TIAM1: variants seen among roughly 807,000 people sequenced by gnomAD.
TIAM1 encodes TIAM Rac1 associated GEF 1, also known as rho guanine nucleotide exchange factor TIAM1.
Under a neutral mutation model 163.5 loss-of-function variants are expected in TIAM1, and 65 were observed. That is an observed-to-expected ratio of 0.40 (90% CI 0.33 to 0.49). The LOEUF is 0.49. TIAM1 is among the 20% of genes least tolerant of loss of function. The probability of loss-of-function intolerance (pLI) is 0.77; values close to 1 mark genes in which losing one functional copy is unlikely to be tolerated. For missense variants in TIAM1, 1,789 were observed against 2,044.7 expected, an observed-to-expected ratio of 0.87 and a Z score of 2.41; for synonymous variants, 833 against 810.1, an observed-to-expected ratio of 1.03 and a Z score of -0.48.
At chr21:31,508,944 C>G (rs1410269525) in intron 1 of TIAM1, among the ~76,000 whole-genome samples, 1 of 152,122 alleles carries the variant, frequency 6.6e-6, no homozygotes, top group East Asian at 1.9e-4. Flanking sequence ...GGCTGTGCTA[C>G]GAACTCACCT....
At chr21:31,425,059 A>AC (rs2043735774) in intron 2 of TIAM1, among the ~76,000 whole-genome samples, 1 of 151,304 alleles carries the variant, frequency 6.6e-6, no homozygotes, top group African/African-American at 2.4e-5. Context: ...TCTCAAACAA[A>AC]AAAAAAAAAA....
At chr21:31,359,157 G>A (rs1861586588) in intron 2 of TIAM1, among the ~76,000 whole-genome samples, 1 of 152,078 alleles carries the variant, frequency 6.6e-6, no homozygotes, top group Admixed American at 6.6e-5. Flanking sequence ...CCCAAAGCAG[G>A]TCTACTTTGC....
intron 2 of TIAM1, among the ~76,000 whole-genome samples, chr21:31,375,973 G>A (rs763978853): frequency 1.3e-5 from 2 of 152,088 alleles, no homozygotes; most frequent in Non-Finnish European, 2.9e-5. Flanking sequence ...GTTGCAGTGA[G>A]CTGAGATTGT....
intron 6 of TIAM1, among the ~76,000 whole-genome samples, chr21:31,231,869 T>A (rs2146664435): frequency 6.6e-6 from 1 of 152,080 alleles, no homozygotes; most frequent in South Asian, 2.1e-4. Flanking sequence ...AAAAATTAGC[T>A]GGGCATGGTG....
intron 1 of TIAM1, among the ~76,000 whole-genome samples, chr21:31,518,750 G>A (rs960927576): frequency 1.3e-5 from 2 of 152,176 alleles, no homozygotes; most frequent in African/African-American, 2.4e-5. Context: ...CTCACATCAT[G>A]GAGATAGGAC....
intron 1 of TIAM1, among the ~76,000 whole-genome samples, chr21:31,528,642 A>C (rs1183064614): frequency 6.6e-6 from 1 of 151,626 alleles, no homozygotes; most frequent in East Asian, 2.0e-4. Flanking sequence ...GTCTCTACTA[A>C]AAAAATAAAA....
intron 4 of TIAM1, among the ~76,000 whole-genome samples, chr21:31,256,638 C>CT (rs2072125810): frequency 1.2e-5 from 1 of 85,610 alleles, no homozygotes; most frequent in African/African-American, 4.5e-5. Flanking sequence ...CGTATATTAT[C>CT]TTTGGCTCTC....
rs1044656243 is a variant in TIAM1, at chr21:31,536,417, T to C, written c.-422+22510A>G. 7.2e-5 allele frequency among the ~76,000 whole-genome samples: 11 copies of C among 152,052 alleles called. No homozygotes were observed. In the South Asian group the frequency reaches 1.7e-3, roughly 23 times the overall value. On this transcript the variant is annotated intron_variant, in intron 1 of 28. Coordinates refer to the TIAM1 transcript ENST00000286827. ...GTGCTTGTGAACTGCAAGCAAATGG[T>C]GCAATCTGGACCACCCCGGATACCC...
intron 1 of TIAM1, among the ~76,000 whole-genome samples, chr21:31,553,571 T>C (rs2048766610): frequency 1.3e-5 from 2 of 152,038 alleles, no homozygotes. Flanking sequence ...GAAATTATCA[T>C]TTGCCTGGAA....
intron 5 of TIAM1, among the ~76,000 whole-genome samples, chr21:31,251,527 A>C (rs2071803078): frequency 6.6e-6 from 1 of 152,198 alleles, no homozygotes; most frequent in East Asian, 1.9e-4. Flanking sequence ...ACAACATTGC[A>C]CTTGTAGTCG....
chr21:31,477,643 T>G (rs2045977671), intron 1 of TIAM1, among the ~76,000 whole-genome samples: 1 of 151,986 alleles, frequency 6.6e-6, no homozygotes, highest in South Asian at 2.1e-4. Flanking sequence ...CCCAGCTGAT[T>G]TTTGTATTTT....
intron 14 of TIAM1, among the ~76,000 whole-genome samples, chr21:31,183,774 A>G (rs2085148621): frequency 2.0e-5 from 3 of 150,500 alleles, no homozygotes; most frequent in Non-Finnish European, 4.4e-5. Flanking sequence ...GGCTCACTGC[A>G]ACCTCTGCCT....
intron 2 of TIAM1, among the ~76,000 whole-genome samples, chr21:31,280,495 G>C (rs1357574670): frequency 6.6e-6 from 1 of 152,144 alleles, no homozygotes; most frequent in Non-Finnish European, 1.5e-5. Flanking sequence ...GCCCAGTCTG[G>C]GGTATGTGTT....
At chr21:31,347,915 G>A (rs2076175553), upstream of TIAM1, among the ~76,000 whole-genome samples, 1 of 152,162 alleles carries the variant, frequency 6.6e-6, no homozygotes, top group African/African-American at 2.4e-5. Flanking sequence ...GACAGAAGAG[G>A]ACTACATAAA....
At chr21:31,370,517 G>A (rs1399720819) in intron 2 of TIAM1, among the ~76,000 whole-genome samples, 1 of 152,140 alleles carries the variant, frequency 6.6e-6, no homozygotes, top group Non-Finnish European at 1.5e-5. Flanking sequence ...GTGACTGCAG[G>A]CCAAAGTAGA....
intron 2 of TIAM1, among the ~76,000 whole-genome samples, chr21:31,433,011 A>G (rs922643993): frequency 6.6e-6 from 1 of 152,224 alleles, no homozygotes; most frequent in Non-Finnish European, 1.5e-5. Flanking sequence ...GAAACATGTA[A>G]CAAATTTAAA....
At chr21:31,145,855 A>C (rs2146292052) in intron 20 of TIAM1, among the ~76,000 whole-genome samples, 1 of 152,310 alleles carries the variant, frequency 6.6e-6, no homozygotes, top group South Asian at 2.1e-4. Flanking sequence ...ACATACAATG[A>C]AACCAATTTT....
intron 3 of TIAM1, among the ~76,000 whole-genome samples, chr21:31,268,606 A>C (rs990661336): frequency 6.6e-6 from 1 of 152,332 alleles, no homozygotes; most frequent in East Asian, 1.9e-4. Flanking sequence ...ACATCACAGG[A>C]ATCTCAGAGG....
At chr21:31,243,209 A>AAAATAT (rs59419171) in intron 6 of TIAM1, among the ~76,000 whole-genome samples, 35 of 117,270 alleles carry the variant, frequency 3.0e-4, no homozygotes, top group African/African-American at 1.3e-3. Flanking sequence ...AAAAAAAAAA[A>AAAATAT]ATATATATAT....
Sources: gnomAD v4.1 joint callset for allele counts (sites outside exome capture counted in the v4.1 genomes callset) on GRCh38, gnomAD v4.1.1 for gene constraint, MANE v1.5 for transcripts, NCBI Gene and HGNC (gene_info 2026-07-23, HGNC 2026-07-21) for gene names.